Variants in IL17B observed in about 807,000 individuals in gnomAD.
The protein encoded by IL17B is interleukin 17B, also known as interleukin-17B.
A neutral mutation model predicts 14.7 loss-of-function variants in IL17B; 14 were observed. The ratio of observed to expected loss-of-function variants is 0.95; its 90% confidence interval spans 0.63 to 1.49. The LOEUF is 1.49. Among genes scored for constraint, IL17B ranks in the 40% most tolerant of loss-of-function variants. IL17B has a pLI of 0.00. For missense variants in IL17B, 233 were observed against 252.8 expected (o/e 0.92, Z 0.53); for synonymous variants, 105 against 94.8 (o/e 1.11, Z -0.62).
intron 1 of IL17B, among the ~76,000 whole-genome samples, chr5:149,388,173 G>A (rs1254331780): frequency 6.6e-6 from 1 of 152,216 alleles, no homozygotes; most frequent in Admixed American, 6.5e-5. Context: ...TAAGTTTTCT[G>A]AGTCAGCTCT....
At chr5:149,383,756 G>A (rs1270209985), upstream of IL17B, among the ~76,000 whole-genome samples, 2 of 152,246 alleles carry the variant, frequency 1.3e-5, no homozygotes, top group Admixed American at 6.5e-5. Context: ...CCTCTGGGGT[G>A]TGCAGAGGGG....
At chr5:149,381,371 C>G (rs1758691703), upstream of IL17B, among the ~76,000 whole-genome samples, 1 of 152,214 alleles carries the variant, frequency 6.6e-6, no homozygotes, top group South Asian at 2.1e-4. Context: ...TACACGGGTC[C>G]TCACCCATCA....
chr5:149,384,216 C>T (rs114455382), upstream of IL17B, among the ~76,000 whole-genome samples: 26 of 152,286 alleles, frequency 1.7e-4, no homozygotes, highest in African/African-American at 5.8e-4. Context: ...GGGGAAAGCA[C>T]GGCAGACTTC....
chr5:149,394,690 C>A (rs1267551993), intron 1 of IL17B, among the ~76,000 whole-genome samples: 2 of 152,184 alleles, frequency 1.3e-5, no homozygotes, highest in Non-Finnish European at 2.9e-5. Context: ...CTTTCACAAT[C>A]ATTCACTATA....
chr5:149,399,914 C>T (rs1209649024), intron 1 of IL17B, among the ~76,000 whole-genome samples: 3 of 152,170 alleles, frequency 2.0e-5, no homozygotes, highest in African/African-American at 7.2e-5. Context: ...ACTGCAGAGC[C>T]TTGTAAGCTA....
chr5:149,376,311 G>T (rs1399070016), intron 2 of IL17B, among the ~76,000 whole-genome samples: 1 of 152,208 alleles, frequency 6.6e-6, no homozygotes, highest in East Asian at 1.9e-4. Context: ...GGAATCCCTA[G>T]GTGATTCTGA....
upstream of IL17B, among the ~76,000 whole-genome samples, chr5:149,379,699 C>T (rs146069067): frequency 5.6e-3 from 854 of 152,214 alleles, 1 homozygote; most frequent in African/African-American, 0.018. Context: ...GGACACAGGC[C>T]CCATCTCCCA....
At chr5:149,376,356 A>C (rs1342815974) in intron 2 of IL17B, among the ~76,000 whole-genome samples, 1 of 152,230 alleles carries the variant, frequency 6.6e-6, no homozygotes, top group Non-Finnish European at 1.5e-5. Context: ...CCAGCATAAG[A>C]GACAGACTGG....
At position 149,395,103 on chromosome 5, in the gene IL17B, G is replaced by A. The variant is rs148670610; in HGVS notation, n.95+9005C>T. Among the ~76,000 whole-genome samples the A allele has an allele frequency of 9.3e-3, 1,417 of 152,268 alleles. 16 individuals carry two copies. The highest frequency in any genetic ancestry group is 0.032 in the African/African-American group (1,344 of 41,566). On this transcript the variant is annotated intron_variant and non_coding_transcript_variant, in intron 1 of 2. Transcript: ENST00000505432. ...GTGTTTAGCTCCCACTTATAAGTGA[G>A]AACATGTGGTATTTGATTTTCTATT...
rs1302823208 is a variant in IL17B at position 149,376,835 on chromosome 5, G to A, written c.212C>T (p.Ala71Val). 6.2e-7 allele frequency: 1 copy of A among 1,614,154 alleles called. No individual in the cohort carries two copies. Reference protein sequence around the residue: ...EYERNIEEMVAQLRNSSELAQ... With the variant: ...EYERNIEEMVVQLRNSSELAQ... ...CAGCTCTGAGCTGTTCCTCAGCTGG[G>A]CCACCATCTCCTCGATGTTCCTCTC... Residue 71 changes from alanine to valine, a missense_variant, in exon 2 of 3, where the codon GCC becomes GTC. Transcript: ENST00000261796.
chr5:149,375,491 A>G (rs189274739), intron 2 of IL17B, among the ~76,000 whole-genome samples: 239 of 152,362 alleles, frequency 1.6e-3, no homozygotes, highest in African/African-American at 5.5e-3. Context: ...CATTGGCACA[A>G]TCAGATGTGA....
rs777552982 is a variant in IL17B, at chr5:149,374,528, G to GT, written c.383dup (p.Asn128LysfsTer84). On this transcript the variant is annotated frameshift_variant, in exon 3 of 3. Coordinates refer to ENST00000261796, the MANE Select transcript of IL17B (RefSeq NM_014443.3). LOFTEE classifies it high-confidence loss of function. This position sits in a 1 kb window ranked among gnomAD's most constrained non-coding sequence, Gnocchi z 5.0. ...TGCGGTCCTCCTGCATGGTGAAGGG[G>GT]TTCACACAGCCCAGACACAGGCACC... 2.7e-5 allele frequency: 44 copies of GT among 1,613,216 alleles called. No individual in the cohort carries two copies. The highest frequency in any genetic ancestry group is 3.4e-5 in the Non-Finnish European group (40 of 1,180,024).
chr5:149,390,659 T>G, intron 1 of IL17B, among the ~76,000 whole-genome samples: 1 of 143,206 alleles, frequency 7.0e-6, no homozygotes. Flanking sequence ...CCAAGTCCCT[T>G]CGCCAACCCA....
At chr5:149,379,636 G>A (rs79296581), upstream of IL17B, among the ~76,000 whole-genome samples, 750 of 152,322 alleles carry the variant, frequency 4.9e-3, 5 homozygotes, top group African/African-American at 0.017. Flanking sequence ...GGAGGGATGG[G>A]CCGTTGGTTG....
chr5:149,388,293 T>A (rs1758867057), intron 1 of IL17B, among the ~76,000 whole-genome samples: 1 of 152,236 alleles, frequency 6.6e-6, no homozygotes, highest in South Asian at 2.1e-4. Flanking sequence ...CATGGCTATG[T>A]TCATAAATTC....
intron 1 of IL17B, among the ~76,000 whole-genome samples, chr5:149,378,248 C>A (rs1163873847): frequency 1.3e-5 from 2 of 152,156 alleles, no homozygotes; most frequent in African/African-American, 4.8e-5. Context: ...AAGTTATGGG[C>A]TAAGGATGTC....
At chr5:149,390,278 C>T (rs766922562) in intron 1 of IL17B, among the ~76,000 whole-genome samples, 1 of 150,158 alleles carries the variant, frequency 6.7e-6, no homozygotes, top group South Asian at 2.1e-4. Flanking sequence ...TCTCTTTGTC[C>T]GTCACTATAG....
rs1456560900 is a variant in IL17B, at chr5:149,374,583, C to G, written c.329G>C (p.Ser110Thr). ...PWGYSINHDP[S>T]RIPVDLPEAR... ...CTCCGGCAGGTCCACGGGGATACGG[C>G]TGGGGTCGTGGTTGATGCTGCAGGG... is the stretch of plus-strand genomic sequence containing the variant. The change falls in exon 3 of 3, where the codon AGC becomes ACC. Residue 110 changes from serine (S) to threonine (T), a missense_variant. By Grantham distance (58) the Ser-to-Thr change is moderately conservative (BLOSUM62 1). Transcript: ENST00000261796. This position sits in a 1 kb window ranked among gnomAD's most constrained non-coding sequence, Gnocchi z 5.0. The G allele has an allele frequency of 6.2e-7, 1 of 1,611,642 alleles. No individual in the cohort carries two copies. The highest frequency in any genetic ancestry group is 8.5e-7 in the Non-Finnish European group (1 of 1,178,746).
At chr5:149,400,263 A>G (rs1290246492) in intron 1 of IL17B, among the ~76,000 whole-genome samples, 1 of 152,122 alleles carries the variant, frequency 6.6e-6, no homozygotes, top group African/African-American at 2.4e-5. Flanking sequence ...TGAGAAGATG[A>G]AAGCAGATAT....
Sources: allele counts gnomAD v4.1 joint callset (sites outside exome capture counted in the v4.1 genomes callset), GRCh38; gene constraint gnomAD v4.1.1; non-coding constraint Gnocchi (gnomAD v3.1); transcripts MANE v1.5; gene names NCBI Gene and HGNC (gene_info 2026-07-23, HGNC 2026-07-21).